PRKCB: variants seen among roughly 807,000 people sequenced by gnomAD.
PRKCB encodes the protein protein kinase C beta type.
PRKCB carries 13 observed loss-of-function variants against 81.5 expected under a neutral mutation model. That is an observed-to-expected ratio of 0.16 (90% CI 0.10 to 0.25). The LOEUF (loss-of-function observed/expected upper bound fraction) is 0.25, where lower values mean the gene tolerates loss of function less well. Among genes scored for constraint, PRKCB ranks in the 10% least tolerant of loss-of-function variants. The pLI is 1.00. For missense variants in PRKCB, 509 were observed against 875.7 expected (o/e 0.58, Z 5.29); for synonymous variants, 335 against 321.4 (o/e 1.04, Z -0.45).
At chr16:24,110,563 C>A (rs1047147748) in intron 7 of PRKCB, among the ~76,000 whole-genome samples, 2 of 145,382 alleles carry the variant, frequency 1.4e-5, no homozygotes. Context: ...GTCACCCAGG[C>A]TGGAGTGCAG....
intron 5 of PRKCB, among the ~76,000 whole-genome samples, chr16:24,085,855 T>C (rs569243787): frequency 6.6e-6 from 1 of 152,338 alleles, no homozygotes; most frequent in South Asian, 2.1e-4. Flanking sequence ...ACAGGCTCTC[T>C]TCTTGACAGA....
chr16:24,150,522 T>A (rs1445726612), intron 9 of PRKCB, among the ~76,000 whole-genome samples: 1 of 152,194 alleles, frequency 6.6e-6, no homozygotes, highest in Non-Finnish European at 1.5e-5. Flanking sequence ...CTGTATCCAC[T>A]GCCCAATCAG....
intron 2 of PRKCB, among the ~76,000 whole-genome samples, chr16:23,891,073 T>C (rs1288901462): frequency 1.6e-5 from 2 of 121,256 alleles, no homozygotes; most frequent in African/African-American, 6.5e-5. Context: ...TGAGACAGGG[T>C]CTTGCTAGAC....
intron 7 of PRKCB, among the ~76,000 whole-genome samples, chr16:24,100,353 G>T (rs1392565481): frequency 2.0e-5 from 3 of 152,120 alleles, no homozygotes; most frequent in Non-Finnish European, 1.5e-5. Flanking sequence ...AAGTGGGACT[G>T]GTCCCACCTA....
At chr16:24,127,306 A>G (rs1283771604) in intron 9 of PRKCB, among the ~76,000 whole-genome samples, 5 of 152,096 alleles carry the variant, frequency 3.3e-5, no homozygotes, top group Non-Finnish European at 7.4e-5. Flanking sequence ...ACGCCCGGCC[A>G]TGATATTCTT....
At chr16:24,161,867 G>T (rs903807354) in intron 10 of PRKCB, among the ~76,000 whole-genome samples, 7 of 152,168 alleles carry the variant, frequency 4.6e-5, no homozygotes, top group Non-Finnish European at 1.0e-4. Context: ...GCATAGGTAC[G>T]AAAGAATTAT....
At chr16:23,927,778 G>A (rs757988987) in intron 2 of PRKCB, among the ~76,000 whole-genome samples, 23 of 152,028 alleles carry the variant, frequency 1.5e-4, no homozygotes, top group Non-Finnish European at 2.8e-4. Flanking sequence ...TACTAGGTGC[G>A]CTGGTGGTGC....
chr16:24,114,481 G>A (rs1966714341), intron 8 of PRKCB, among the ~76,000 whole-genome samples: 1 of 151,972 alleles, frequency 6.6e-6, no homozygotes, highest in African/African-American at 2.4e-5. Flanking sequence ...CCTTGGCTGT[G>A]ACCTTGAGTT....
chr16:24,171,922 CA>C (rs1283313410), intron 10 of PRKCB, among the ~76,000 whole-genome samples: 10 of 151,750 alleles, frequency 6.6e-5, no homozygotes, highest in African/African-American at 1.5e-4. Flanking sequence ...TGTTTTTTTT[CA>C]GTAGAGATGG....
chr16:24,037,996 C>T (rs1034482585), intron 5 of PRKCB, among the ~76,000 whole-genome samples: 1 of 151,974 alleles, frequency 6.6e-6, no homozygotes, highest in African/African-American at 2.4e-5. Context: ...GCCTGGGCAA[C>T]ATGTCGAAAC....
At chr16:24,007,348 T>G (rs554288754) in intron 3 of PRKCB, among the ~76,000 whole-genome samples, 1 of 152,250 alleles carries the variant, frequency 6.6e-6, no homozygotes, top group Non-Finnish European at 1.5e-5. Context: ...TGGAATTGCA[T>G]GCATTTATCT....
At chr16:23,919,118 T>C (rs1963785961) in intron 2 of PRKCB, among the ~76,000 whole-genome samples, 1 of 152,204 alleles carries the variant, frequency 6.6e-6, no homozygotes, top group African/African-American at 2.4e-5. Context: ...ACGTATTTTT[T>C]AAAGGGTTAT....
chr16:23,986,763 A>G (rs1161321367), intron 2 of PRKCB, among the ~76,000 whole-genome samples: 2 of 152,156 alleles, frequency 1.3e-5, no homozygotes. Flanking sequence ...TATTATGGAA[A>G]AAATTAAACA....
At chr16:23,939,587 C>A (rs538245609) in intron 2 of PRKCB, among the ~76,000 whole-genome samples, 2 of 152,210 alleles carry the variant, frequency 1.3e-5, no homozygotes, top group South Asian at 4.1e-4. Flanking sequence ...GACAAAGGCA[C>A]AAAAGGAGTT....
At chr16:24,019,584 C>T (rs865976525) in intron 3 of PRKCB, among the ~76,000 whole-genome samples, 2 of 152,126 alleles carry the variant, frequency 1.3e-5, no homozygotes, top group African/African-American at 2.4e-5. Context: ...ACTAATATGG[C>T]GAAACCCTGT....
chr16:23,899,001 C>T (rs918328371), intron 2 of PRKCB, among the ~76,000 whole-genome samples: 3 of 152,140 alleles, frequency 2.0e-5, no homozygotes, highest in Admixed American at 6.5e-5. Context: ...AAGAGACAGC[C>T]GTTGTGACTG....
intron 7 of PRKCB, 135 bp from the exon 8 acceptor site, chr16:24,112,838 C>A (rs200159126): frequency 2.9e-5 from 6 of 209,076 alleles, no homozygotes; most frequent in Non-Finnish European, 5.2e-5. Context: ...AAAAACAAAC[C>A]AAAACAAACC....
chr16:24,176,894 CAAAAAAA>C (rs34201635), intron 12 of PRKCB, among the ~76,000 whole-genome samples: 1 of 96,460 alleles, frequency 1.0e-5, no homozygotes, highest in African/African-American at 3.8e-5. Flanking sequence ...AACTCCATTT[CAAAAAAA>C]AAAAAAAAAA....
At chr16:24,008,215 C>T (rs760729870) in intron 3 of PRKCB, among the ~76,000 whole-genome samples, 25 of 152,212 alleles carry the variant, frequency 1.6e-4, no homozygotes, top group Non-Finnish European at 2.8e-4. Context: ...CCCTCTGGCC[C>T]GTGGGGCTAT....
Sources: allele counts gnomAD v4.1 joint callset (sites outside exome capture counted in the v4.1 genomes callset), GRCh38; gene constraint gnomAD v4.1.1; transcripts MANE v1.5; gene names NCBI Gene and HGNC (gene_info 2026-07-23, HGNC 2026-07-21).